The following SYNE2 variants were observed in gnomAD, a reference collection of about 807,000 sequenced individuals.
SYNE2 encodes nesprin-2.
Under a neutral mutation model 856.3 loss-of-function variants are expected in SYNE2, and 431 were observed. That is an observed-to-expected ratio of 0.50 (90% CI 0.47 to 0.55). The LOEUF (loss-of-function observed/expected upper bound fraction) is 0.55. Among genes scored for constraint, SYNE2 ranks in the 20% least tolerant of loss-of-function variants. The pLI is 0.00. For missense variants in SYNE2, 8,129 were observed against 8,023.2 expected (o/e 1.01, Z -0.50); for synonymous variants, 2,923 against 2,872.3 (o/e 1.02, Z -0.56).
intron 45 of SYNE2, among the ~76,000 whole-genome samples, chr14:64,046,595 A>G (rs529966497): frequency 2.2e-4 from 33 of 152,302 alleles, no homozygotes; most frequent in African/African-American, 6.5e-4. Flanking sequence ...GGATCAAGCA[A>G]TCCACCTACC....
At chr14:64,040,261 A>G (rs904056624) in intron 45 of SYNE2, among the ~76,000 whole-genome samples, 1 of 152,168 alleles carries the variant, frequency 6.6e-6, no homozygotes, top group African/African-American at 2.4e-5. Context: ...ATCACATCAA[A>G]TGAGAGAATA....
intron 49 of SYNE2, among the ~76,000 whole-genome samples, chr14:64,060,986 C>A (rs1164427242): frequency 6.6e-6 from 1 of 152,194 alleles, no homozygotes; most frequent in African/African-American, 2.4e-5. Flanking sequence ...CCCTGCCATG[C>A]TGCTGCTGCT....
intron 2 of SYNE2, among the ~76,000 whole-genome samples, chr14:63,927,309 T>C (rs1259487111): frequency 6.6e-6 from 1 of 151,524 alleles, no homozygotes; most frequent in African/African-American, 2.4e-5. Flanking sequence ...GCACTGTGGA[T>C]GGCTGAGGCA....
chr14:64,062,635 A>G, intron 49 of SYNE2, 116 bp from the exon 50 acceptor site: 1 of 1,083,534 alleles, frequency 9.2e-7, no homozygotes, highest in Non-Finnish European at 1.4e-6. Context: ...AGCAAAAACG[A>G]AAGTTGTCAT....
intron 57 of SYNE2, chr14:64,085,076 T>A: frequency 1.4e-6 from 1 of 695,028 alleles, no homozygotes; most frequent in South Asian, 1.5e-5. Context: ...AGCCACATTT[T>A]TTTTTTTTCT....
intron 1 of SYNE2, chr14:63,873,660 G>A (rs150336539): frequency 0.021 from 3,186 of 152,468 alleles, 53 homozygotes; most frequent in Non-Finnish European, 0.027. Flanking sequence ...AAAGTGCTGG[G>A]ATTACAGGCG....
At chr14:63,778,321 G>C (rs907212126) in intron 1 of SYNE2, among the ~76,000 whole-genome samples, 6 of 152,040 alleles carry the variant, frequency 3.9e-5, no homozygotes, top group African/African-American at 1.5e-4. Context: ...GCAGAACCGT[G>C]AGTCAATTAA....
chr14:64,000,641 TAAA>T lies in SYNE2; in HGVS notation c.3564_3566del (p.Lys1189del). ...AAGTTAGAAAATCATGTGAATGACA[TAAA>T]AAAGCCTTTTGTAATTAAGGAAAGA... On this transcript the variant is annotated inframe_deletion, in exon 28 of 116. Coordinates refer to ENST00000555002, the MANE Select transcript of SYNE2 (RefSeq NM_182914.3). 6.2e-7 allele frequency: 1 copy of T among 1,613,478 alleles called. No homozygotes were observed.
intron 18 of SYNE2, among the ~76,000 whole-genome samples, chr14:63,985,809 G>C (rs972489808): frequency 6.6e-6 from 1 of 152,130 alleles, no homozygotes; most frequent in Non-Finnish European, 1.5e-5. Context: ...AGGAGTTCAA[G>C]ATCAGCCTGG....
intron 1 of SYNE2, among the ~76,000 whole-genome samples, chr14:63,860,266 T>C (rs1893171990): frequency 6.7e-6 from 1 of 148,368 alleles, no homozygotes; most frequent in Non-Finnish European, 1.5e-5. Context: ...TCAGAGCACC[T>C]GCACTTGGAG....
chr14:64,145,150 C>T (rs1051887710), intron 83 of SYNE2, among the ~76,000 whole-genome samples: 1 of 151,842 alleles, frequency 6.6e-6, no homozygotes, highest in Non-Finnish European at 1.5e-5. Context: ...TGGTCTCGAA[C>T]TCCTGACCTC....
intron 45 of SYNE2, among the ~76,000 whole-genome samples, chr14:64,044,974 A>G (rs2097175305): frequency 6.6e-6 from 1 of 152,186 alleles, no homozygotes; most frequent in Admixed American, 6.5e-5. Context: ...TATATTTTAA[A>G]ATAAAATGTT....
intron 8 of SYNE2, among the ~76,000 whole-genome samples, chr14:63,955,548 T>A (rs2775004): frequency 0.48 from 73,332 of 151,930 alleles, 18,723 homozygotes; most frequent in Non-Finnish European, 0.56. Context: ...AAAAAAACAT[T>A]AAGGTCATAA....
At chr14:64,158,366 T>C (rs1160428556) in intron 85 of SYNE2, among the ~76,000 whole-genome samples, 1 of 152,204 alleles carries the variant, frequency 6.6e-6, no homozygotes, top group African/African-American at 2.4e-5. Flanking sequence ...GTTCTTTCCC[T>C]GGGCTGTCTC....
intron 98 of SYNE2, among the ~76,000 whole-genome samples, chr14:64,189,647 A>C (rs995980204): frequency 1.3e-5 from 2 of 152,218 alleles, no homozygotes; most frequent in African/African-American, 4.8e-5. Context: ...GCGTTGCCTG[A>C]CTTTTTAGCT....
At chr14:64,183,025 GCCTC>G (rs1288623324) in intron 96 of SYNE2, among the ~76,000 whole-genome samples, 4 of 123,766 alleles carry the variant, frequency 3.2e-5, no homozygotes, top group Admixed American at 8.3e-5. Context: ...GGCTGCCCCC[GCCTC>G]CCTCCCGGAC....
intron 1 of SYNE2, among the ~76,000 whole-genome samples, chr14:63,839,139 C>T (rs952036812): frequency 6.6e-6 from 1 of 152,074 alleles, no homozygotes; most frequent in African/African-American, 2.4e-5. Flanking sequence ...AAGTGATTCT[C>T]CTGCCTCAGC....
chr14:64,104,003 A>C (rs1228838256), intron 64 of SYNE2, among the ~76,000 whole-genome samples: 1 of 152,216 alleles, frequency 6.6e-6, no homozygotes, highest in Non-Finnish European at 1.5e-5. Context: ...ATACGATTTC[A>C]TGAGTGGAAA....
Position 64,225,432 on chromosome 14 carries a change from C to T in SYNE2, c.20630C>T (p.Ser6877Phe), listed in dbSNP as rs548596262. Residue 6877 changes from serine to phenylalanine, a missense_variant, in exon 116 of 116, where the codon TCC becomes TTC. Around this residue, in one of 3 missense-constraint regions of SYNE2, gnomAD observed 5,410 missense variants for 5,284.8 expected, o/e 1.02. Transcript: ENST00000555002. ...LLLLLACLLP[S>F]SEEDYSCTQA... ...CTGCTCCTGGCCTGCCTGCTGCCCT[C>T]CTCCGAAGAAGACTACAGCTGCACT... 1.6e-5 allele frequency: 26 copies of T among 1,614,140 alleles called. 1 individual carries two copies. The Middle Eastern group carries it at 6.6e-4, about 41-fold the overall frequency.
Sources: allele counts gnomAD v4.1 joint callset (sites outside exome capture counted in the v4.1 genomes callset), GRCh38; gene constraint gnomAD v4.1.1; regional missense constraint gnomAD v4.1.1; transcripts MANE v1.5; gene names NCBI Gene and HGNC (gene_info 2026-07-23, HGNC 2026-07-21).